Variants in ZBTB20 observed in about 807,000 individuals in gnomAD.
The protein encoded by ZBTB20 is zinc finger and BTB domain-containing protein 20.
ZBTB20 carries 9 observed loss-of-function variants against 56.9 expected under a neutral mutation model. That is an observed-to-expected ratio of 0.16 (90% CI 0.10 to 0.28). The LOEUF is 0.28. Ranked by LOEUF, ZBTB20 falls within the 10% of genes least tolerant of loss-of-function variation. The pLI is 1.00. For synonymous variants in ZBTB20, 417 were observed against 420.7 expected (o/e 0.99, Z 0.11); for missense variants, 655 against 1,003.0 (o/e 0.65, Z 4.69).
intron 6 of ZBTB20, among the ~76,000 whole-genome samples, chr3:114,648,673 G>A (rs1229002020): frequency 6.6e-6 from 1 of 151,956 alleles, no homozygotes; most frequent in Non-Finnish European, 1.5e-5. Flanking sequence ...AATTTGATCT[G>A]AAATACAGAG....
chr3:114,790,433 T>C (rs1349193784), intron 5 of ZBTB20, among the ~76,000 whole-genome samples: 4 of 152,146 alleles, frequency 2.6e-5, no homozygotes, highest in Admixed American at 2.0e-4. Flanking sequence ...TATTCATAAA[T>C]ACTCATTACC....
At chr3:114,810,814 G>C (rs2072465760) in intron 4 of ZBTB20, among the ~76,000 whole-genome samples, 1 of 152,108 alleles carries the variant, frequency 6.6e-6, no homozygotes, top group Admixed American at 6.5e-5. Context: ...TGGCGGGGGG[G>C]AAGTCTAACT....
chr3:114,469,002 A>T (rs977992307), intron 7 of ZBTB20, among the ~76,000 whole-genome samples: 1 of 134,148 alleles, frequency 7.5e-6, no homozygotes, highest in Non-Finnish European at 1.6e-5. Flanking sequence ...CCAATTTTTC[A>T]AGAGAAGCAA....
Position 114,529,695 on chromosome 3 carries a change from A to G in ZBTB20, c.-294-29304T>C, listed in dbSNP as rs141458931. Among the ~76,000 whole-genome samples, 120 of 152,320 alleles carry G rather than the reference A, an allele frequency of 7.9e-4. No homozygotes were observed. The East Asian group carries it at 0.02, about 26-fold the overall frequency. On this transcript the variant is annotated intron_variant, in intron 6 of 11. Transcript: ENST00000675478. ...ATTCTAGCTTTGTGTTTTATCCTAT[A>G]ATATTTAGGTAGAAGGTAGGGATGA...
intron 5 of ZBTB20, among the ~76,000 whole-genome samples, chr3:114,799,708 A>T (rs1412316451): frequency 3.3e-5 from 5 of 151,942 alleles, no homozygotes; most frequent in Non-Finnish European, 7.4e-5. Context: ...GACAACAATA[A>T]CAATAACTAT....
chr3:114,711,718 T>C (rs2064096814), intron 5 of ZBTB20, among the ~76,000 whole-genome samples: 1 of 152,196 alleles, frequency 6.6e-6, no homozygotes, highest in African/African-American at 2.4e-5. Flanking sequence ...AGCTATACTT[T>C]TATACTATTT....
At chr3:114,739,698 G>T (rs1354890446) in intron 5 of ZBTB20, among the ~76,000 whole-genome samples, 1 of 152,192 alleles carries the variant, frequency 6.6e-6, no homozygotes, top group African/African-American at 2.4e-5. Flanking sequence ...AATGTTGGGG[G>T]TGTTTAAGTT....
intron 3 of ZBTB20, among the ~76,000 whole-genome samples, chr3:114,933,235 AT>A (rs1287550951): frequency 6.6e-6 from 1 of 152,168 alleles, no homozygotes; most frequent in Non-Finnish European, 1.5e-5. Flanking sequence ...AAGTCCCTGT[AT>A]TTGGGGGTAG....
chr3:114,599,613 T>A (rs1255881168), intron 6 of ZBTB20, among the ~76,000 whole-genome samples: 1 of 152,076 alleles, frequency 6.6e-6, no homozygotes, highest in East Asian at 1.9e-4. Context: ...CAATAATAAT[T>A]TTTATAGCTA....
chr3:115,070,701 G>A (rs564599735), intron 2 of ZBTB20, among the ~76,000 whole-genome samples: 1 of 151,986 alleles, frequency 6.6e-6, no homozygotes, highest in Non-Finnish European at 1.5e-5. Context: ...GAAATTGTAG[G>A]AGACTTCTTC....
intron 3 of ZBTB20, among the ~76,000 whole-genome samples, chr3:114,916,462 GTAA>G (rs1315402925): frequency 2.0e-5 from 3 of 152,000 alleles, no homozygotes; most frequent in African/African-American, 7.2e-5. Context: ...CTATGTAATA[GTAA>G]TAATATTTTT....
chr3:114,758,038 G>A (rs565135334), intron 5 of ZBTB20, among the ~76,000 whole-genome samples: 6 of 152,150 alleles, frequency 3.9e-5, no homozygotes, highest in Non-Finnish European at 7.4e-5. Flanking sequence ...AAAGCCAAAA[G>A]CACTATTTTT....
chr3:114,731,281 A>G (rs568167330), intron 5 of ZBTB20, among the ~76,000 whole-genome samples: 36 of 152,250 alleles, frequency 2.4e-4, no homozygotes, highest in African/African-American at 8.4e-4. Flanking sequence ...GTTCCTATCT[A>G]TTTAAATTTC....
At chr3:114,927,340 T>TA (rs1282343818) in intron 3 of ZBTB20, among the ~76,000 whole-genome samples, 1 of 152,196 alleles carries the variant, frequency 6.6e-6, no homozygotes, top group Non-Finnish European at 1.5e-5. Flanking sequence ...CATGCCTCCC[T>TA]AAAATGTATA....
rs946201594 is a variant in ZBTB20, at chr3:114,325,789, G to A, written c.*13216C>T. On this transcript the variant is annotated 3_prime_UTR_variant, in exon 12 of 12. Coordinates refer to ENST00000675478, the MANE Select transcript of ZBTB20 (RefSeq NM_001348800.3). Reference sequence around the variant, plus strand: ...ATGTCAATTATAGCACAAAAGAAAGGTTACAAAAACGTTGTCAGGCTATCT... The same window carrying A: ...ATGTCAATTATAGCACAAAAGAAAGATTACAAAAACGTTGTCAGGCTATCT... The A allele has an allele frequency of 6.6e-6, 1 of 152,156 alleles. No individual in the cohort carries two copies. The highest frequency in any genetic ancestry group is 1.5e-5 in the Non-Finnish European group (1 of 68,020). The allele number at this position is 152,156 out of a possible 1,614,324, so 9.4% of individuals were successfully genotyped here.
In ZBTB20 at chr3:114,977,607, C is replaced by T. The variant is rs565576615; in HGVS notation, c.-506-3191G>A. The stretch of plus-strand genomic sequence containing the variant: ...CTGATTACCTGTGGCAAAATAAATT[C>T]TGTTCTCTAATTCTTATCAGTACTA... On this transcript the variant is annotated intron_variant, in intron 2 of 11. Coordinates refer to ENST00000675478, the MANE Select transcript of ZBTB20 (RefSeq NM_001348800.3). 2.6e-5 allele frequency among the ~76,000 whole-genome samples: 4 copies of T among 152,150 alleles called. No homozygotes were observed. In the East Asian group the frequency reaches 7.7e-4, roughly 29 times the overall value.
Position 114,820,568 on chromosome 3 carries a change from G to GA in ZBTB20, c.-416-19395dup, listed in dbSNP as rs550983283. Among the ~76,000 whole-genome samples, 978 of 151,400 alleles carry GA rather than the reference G, an allele frequency of 6.5e-3. 9 individuals are homozygous for GA. Among genetic ancestry groups the GA allele is most frequent in the African/African-American group, 0.021 (881 of 41,328 alleles). ...CAAGTGTACATTACCTTTTAATCTGGAAAAAAAAGTTATTTTAAGCCTAAA... is the reference window on the plus strand; with the variant it reads ...CAAGTGTACATTACCTTTTAATCTGGAAAAAAAAAGTTATTTTAAGCCTAAA... On this transcript the variant is annotated intron_variant, in intron 4 of 11. Transcript: ENST00000675478.
chr3:114,685,657 T>G (rs1323734443), intron 6 of ZBTB20, among the ~76,000 whole-genome samples: 1 of 152,232 alleles, frequency 6.6e-6, no homozygotes, highest in East Asian at 1.9e-4. Context: ...TGGTGTTAAT[T>G]AAAAACTTTT....
chr3:114,978,138 A>G (rs1560456755), intron 2 of ZBTB20, among the ~76,000 whole-genome samples: 1 of 151,468 alleles, frequency 6.6e-6, no homozygotes, highest in African/African-American at 2.4e-5. Flanking sequence ...TTATAAATAA[A>G]TAAACATATT....
Sources: allele counts gnomAD v4.1 joint callset (sites outside exome capture counted in the v4.1 genomes callset), GRCh38; gene constraint gnomAD v4.1.1; transcripts MANE v1.5; gene names NCBI Gene and HGNC (gene_info 2026-07-23, HGNC 2026-07-21).